Variants in CCDC102B observed in about 807,000 individuals in gnomAD.
CCDC102B encodes the protein coiled-coil domain containing 102B, also known as coiled-coil domain-containing protein 102B.
In CCDC102B, 75 loss-of-function variants were observed where a neutral mutation model predicts 57.4. The observed-to-expected ratio is 1.31, with a 90% CI of 1.08 to 1.58. The LOEUF (loss-of-function observed/expected upper bound fraction) is 1.58, where lower values mean the gene tolerates loss of function less well. Among genes scored for constraint, CCDC102B ranks in the 40% most tolerant of loss-of-function variants. The pLI is 0.00. For synonymous variants in CCDC102B, 206 were observed against 201.9 expected (o/e 1.02, Z -0.17); for missense variants, 636 against 582.6 (o/e 1.09, Z -0.94).
intron 6 of CCDC102B, among the ~76,000 whole-genome samples, chr18:68,924,343 C>T (rs1041663441): frequency 3.3e-5 from 5 of 152,004 alleles, no homozygotes; most frequent in African/African-American, 7.2e-5. Context: ...GGTGAGTTCT[C>T]ACGAGATCTG....
intron 6 of CCDC102B, among the ~76,000 whole-genome samples, chr18:68,967,875 AT>A (rs1177464703): frequency 5.9e-5 from 9 of 152,216 alleles, no homozygotes; most frequent in Middle Eastern, 3.4e-3. Context: ...AGAGGGAGTC[AT>A]TTTTTGTATA....
Position 68,853,383 on chromosome 18 carries a change from G to C in CCDC102B, c.936+6962G>C, listed in dbSNP as rs562573054. ...TTACTCAATTTCATTGTCAAAAAAT[G>C]ATCAACTTTTGGAAAAAGTCTGGAA... On this transcript the variant is annotated intron_variant, in intron 4 of 7. Transcript: ENST00000360242. 5.9e-5 allele frequency among the ~76,000 whole-genome samples: 9 copies of C among 151,692 alleles called. No homozygotes were observed. In the South Asian group the frequency reaches 1.7e-3, roughly 28 times the overall value.
chr18:68,956,901 A>G (rs1377760166), intron 6 of CCDC102B, among the ~76,000 whole-genome samples: 1 of 151,620 alleles, frequency 6.6e-6, no homozygotes, highest in African/African-American at 2.4e-5. Flanking sequence ...ACCTTTTCAT[A>G]TATCTGTTTG....
intron 7 of CCDC102B, among the ~76,000 whole-genome samples, chr18:69,020,776 T>C (rs2051810285): frequency 6.6e-6 from 1 of 152,186 alleles, no homozygotes; most frequent in African/African-American, 2.4e-5. Flanking sequence ...CAAGAGATTG[T>C]ACCAGTAAAA....
intron 7 of CCDC102B, among the ~76,000 whole-genome samples, chr18:69,041,403 G>A (rs1263229982): frequency 6.6e-6 from 1 of 152,026 alleles, no homozygotes; most frequent in African/African-American, 2.4e-5. Flanking sequence ...TTGGATACAG[G>A]TTTGCCTGCT....
chr18:68,740,498 G>A (rs552450723), intron 2 of CCDC102B, among the ~76,000 whole-genome samples: 1 of 152,282 alleles, frequency 6.6e-6, no homozygotes, highest in South Asian at 2.1e-4. Flanking sequence ...TTACTCCTAT[G>A]CCATGATCAG....
intron 7 of CCDC102B, among the ~76,000 whole-genome samples, chr18:69,024,088 A>T (rs1164337242): frequency 6.6e-6 from 1 of 152,094 alleles, no homozygotes; most frequent in South Asian, 2.1e-4. Flanking sequence ...GTACAAAAAA[A>T]AATAATAATG....
chr18:68,870,151 C>T (rs1357333467), intron 4 of CCDC102B, among the ~76,000 whole-genome samples: 1 of 151,944 alleles, frequency 6.6e-6, no homozygotes, highest in Non-Finnish European at 1.5e-5. Flanking sequence ...ACAACGAGAA[C>T]ACATAGACAC....
At chr18:68,895,128 A>G (rs1316257525) in intron 5 of CCDC102B, among the ~76,000 whole-genome samples, 1 of 151,868 alleles carries the variant, frequency 6.6e-6, no homozygotes, top group African/African-American at 2.4e-5. Flanking sequence ...CTTAACAATG[A>G]AAGTAATGGC....
At chr18:68,988,221 A>G (rs774046281) in intron 6 of CCDC102B, among the ~76,000 whole-genome samples, 2 of 137,456 alleles carry the variant, frequency 1.5e-5, no homozygotes, top group South Asian at 2.1e-4. Flanking sequence ...CATAAAAGGG[A>G]AAAAAAAACA....
At chr18:68,957,821 T>A (rs2145219111) in intron 6 of CCDC102B, among the ~76,000 whole-genome samples, 1 of 152,300 alleles carries the variant, frequency 6.6e-6, no homozygotes, top group Non-Finnish European at 1.5e-5. Context: ...ATAAAGATCT[T>A]TCACTTCTTT....
At chr18:68,761,944 T>C (rs2034267363) in intron 2 of CCDC102B, among the ~76,000 whole-genome samples, 1 of 152,178 alleles carries the variant, frequency 6.6e-6, no homozygotes. Flanking sequence ...CTCTTCTTCA[T>C]TTTAAAAATC....
intron 2 of CCDC102B, among the ~76,000 whole-genome samples, chr18:68,776,562 G>T (rs958520987): frequency 6.6e-6 from 1 of 152,094 alleles, no homozygotes; most frequent in African/African-American, 2.4e-5. Flanking sequence ...ACTAACTCAG[G>T]AACAAAAAAC....
At chr18:68,768,014 A>T (rs556472482) in intron 2 of CCDC102B, among the ~76,000 whole-genome samples, 30 of 152,256 alleles carry the variant, frequency 2.0e-4, no homozygotes, top group African/African-American at 7.0e-4. Context: ...CATTTTTCTA[A>T]ATCTTTTTTT....
chr18:68,911,751 CAAAAAAAAAA>C (rs74175338), intron 6 of CCDC102B, among the ~76,000 whole-genome samples: 5 of 18,030 alleles, frequency 2.8e-4, no homozygotes, highest in Non-Finnish European at 4.7e-4. Context: ...GACTCCGTCT[CAAAAAAAAAA>C]AAAAAAAAAA....
At chr18:69,043,877 C>T (rs1253667124) in intron 7 of CCDC102B, among the ~76,000 whole-genome samples, 1 of 152,032 alleles carries the variant, frequency 6.6e-6, no homozygotes, top group Non-Finnish European at 1.5e-5. Context: ...CAATACATCC[C>T]AGTTGTTTTC....
At chr18:68,957,215 GGA>G (rs2049923938) in intron 6 of CCDC102B, among the ~76,000 whole-genome samples, 1 of 152,008 alleles carries the variant, frequency 6.6e-6, no homozygotes, top group Admixed American at 6.6e-5. Context: ...CCAATGTACT[GGA>G]GAGTTTCCCT....
Position 68,718,822 on chromosome 18 carries a change from C to T in CCDC102B, c.-67+2228C>T, listed in dbSNP as rs369823001. 1.2e-4 allele frequency among the ~76,000 whole-genome samples: 18 copies of T among 152,238 alleles called. No homozygotes were observed. In the East Asian group the frequency reaches 2.3e-3, roughly 20 times the overall value. ...CCCAGGTGATGCTGTTGTTTCTGTC[C>T]TGCATGTCTCATTTAGTGGTGTTGA... On this transcript the variant is annotated intron_variant, in intron 2 of 3. Transcript: ENST00000578970.
chr18:68,815,259 C>T (rs544126676), intron 1 of CCDC102B, among the ~76,000 whole-genome samples: 70 of 152,158 alleles, frequency 4.6e-4, no homozygotes, highest in South Asian at 2.1e-3. Context: ...CATACAAACA[C>T]GGAGGCAACA....
Sources: allele counts gnomAD v4.1 joint callset (sites outside exome capture counted in the v4.1 genomes callset), GRCh38; gene constraint gnomAD v4.1.1; transcripts MANE v1.5; gene names NCBI Gene and HGNC (gene_info 2026-07-23, HGNC 2026-07-21).